The following TNPO3 variants were observed in gnomAD, a reference collection of about 807,000 sequenced individuals.
TNPO3 encodes the protein transportin 3.
TNPO3 carries 65 observed loss-of-function variants against 122.8 expected under a neutral mutation model. That is an observed-to-expected ratio of 0.53 (90% CI 0.43 to 0.65). The LOEUF (loss-of-function observed/expected upper bound fraction) is 0.65, where lower values mean the gene tolerates loss of function less well. TNPO3 is among the 30% of genes least tolerant of loss of function. TNPO3 has a pLI of 0.00. For missense variants in TNPO3, 850 were observed against 1,136.7 expected, an observed-to-expected ratio of 0.75 and a Z score of 3.63; for synonymous variants, 372 against 411.2, an observed-to-expected ratio of 0.90 and a Z score of 1.15.
At chr7:128,994,212 C>T (rs1448692202) in intron 8 of TNPO3, among the ~76,000 whole-genome samples, 2 of 152,042 alleles carry the variant, frequency 1.3e-5, no homozygotes, top group African/African-American at 2.4e-5. Context: ...GGCTGGAGTG[C>T]AGTGGTGCGA....
rs73463094 is a variant in TNPO3 at position 129,033,515 on chromosome 7, T to G, written c.121-15358A>C. ...GCATCACTGGTGGGAATGTAAATGG[T>G]GTAGCTACTATGGAAAAGGGGATGG... is the stretch of plus-strand genomic sequence containing the variant. On this transcript the variant is annotated intron_variant, in intron 1 of 22. Transcript: ENST00000265388. Among the ~76,000 whole-genome samples the G allele has an allele frequency of 1.0e-2, 1,519 of 152,258 alleles. 31 individuals are homozygous for G. The highest frequency in any genetic ancestry group is 0.035 in the African/African-American group (1,442 of 41,534).
intron 15 of TNPO3, 145 bp downstream of exon 15, chr7:128,979,826 C>T (rs1799450757): frequency 2.7e-6 from 2 of 731,798 alleles, no homozygotes; most frequent in South Asian, 3.3e-5. Flanking sequence ...TTGGATGGCT[C>T]TGTCCCTCAT....
chr7:128,978,604 A>G (rs1799317517), intron 16 of TNPO3, among the ~76,000 whole-genome samples: 1 of 152,196 alleles, frequency 6.6e-6, no homozygotes, highest in South Asian at 2.1e-4. Flanking sequence ...TAGTTTGTTA[A>G]TAAATACAAA....
chr7:129,010,463 T>C (rs1803063201), intron 4 of TNPO3, among the ~76,000 whole-genome samples: 1 of 152,158 alleles, frequency 6.6e-6, no homozygotes, highest in Non-Finnish European at 1.5e-5. Context: ...CCACATTGCC[T>C]GGCCCATAAT....
intron 21 of TNPO3, among the ~76,000 whole-genome samples, chr7:128,961,495 A>G (rs969900684): frequency 1.3e-5 from 2 of 152,188 alleles, no homozygotes; most frequent in African/African-American, 4.8e-5. Context: ...CACAACAACT[A>G]AACCACCTAA....
intron 21 of TNPO3, among the ~76,000 whole-genome samples, chr7:128,961,527 T>A (rs531705922): frequency 6.6e-6 from 1 of 152,308 alleles, no homozygotes; most frequent in South Asian, 2.1e-4. Context: ...TTGGAACATA[T>A]CCCCATCATT....
chr7:128,980,879 T>C (rs936109012), intron 14 of TNPO3, among the ~76,000 whole-genome samples: 2 of 152,252 alleles, frequency 1.3e-5, no homozygotes, highest in Non-Finnish European at 2.9e-5. Flanking sequence ...CCAAAGATGT[T>C]GTAGTTCTAG....
chr7:129,014,223 G>A (rs985233535), intron 4 of TNPO3, among the ~76,000 whole-genome samples: 14 of 152,160 alleles, frequency 9.2e-5, no homozygotes, highest in African/African-American at 2.9e-4. Flanking sequence ...TACATACTTG[G>A]ACAAAAATAA....
At chr7:128,966,545 T>C (rs2051335547) in intron 21 of TNPO3, among the ~76,000 whole-genome samples, 1 of 152,124 alleles carries the variant, frequency 6.6e-6, no homozygotes, top group Non-Finnish European at 1.5e-5. Context: ...AAATATTCAG[T>C]AGAAGGAAAA....
chr7:128,957,665 G>A (rs529679707), intron 21 of TNPO3, among the ~76,000 whole-genome samples: 4 of 152,188 alleles, frequency 2.6e-5, no homozygotes, highest in South Asian at 2.1e-4. Context: ...GATTAAAATC[G>A]TCCACATACA....
chr7:128,988,947 T>C (rs7796963), intron 11 of TNPO3, among the ~76,000 whole-genome samples: 87,915 of 151,772 alleles, frequency 0.58, 25,736 homozygotes, highest in South Asian at 0.62. Context: ...CATGGTGGCA[T>C]GCACTTGTAA....
intron 1 of TNPO3, among the ~76,000 whole-genome samples, chr7:129,036,943 C>G (rs1246515334): frequency 6.6e-6 from 1 of 151,948 alleles, no homozygotes; most frequent in African/African-American, 2.4e-5. Flanking sequence ...AAGACTGAAG[C>G]ACAAAGTCAA....
chr7:129,001,270 T>C, intron 5 of TNPO3, 36 bp from the exon 6 acceptor site: 1 of 1,580,274 alleles, frequency 6.3e-7, no homozygotes, highest in Non-Finnish European at 8.7e-7. Context: ...GCAAGAAGTA[T>C]GATCACTAAG....
intron 14 of TNPO3, 65 bp from the exon 15 acceptor site, chr7:128,980,096 G>A: frequency 7.2e-7 from 1 of 1,394,292 alleles, no homozygotes; most frequent in Non-Finnish European, 1.0e-6. Flanking sequence ...CCAGAGCCCT[G>A]ATCCCTGCTT....
At chr7:128,969,114 G>C (rs930995267) in intron 20 of TNPO3, among the ~76,000 whole-genome samples, 1 of 151,934 alleles carries the variant, frequency 6.6e-6, no homozygotes, top group Admixed American at 6.6e-5. Context: ...GTTGTTGTTC[G>C]CACTTAACAA....
At chr7:129,004,412 C>T (rs997021210) in intron 5 of TNPO3, among the ~76,000 whole-genome samples, 1 of 152,168 alleles carries the variant, frequency 6.6e-6, no homozygotes, top group East Asian at 1.9e-4. Flanking sequence ...ATTCTAATCA[C>T]TCCCTAACTC....
At chr7:128,997,281 A>G (rs1205329317) in intron 8 of TNPO3, 108 bp downstream of exon 8, 1 of 1,262,136 alleles carries the variant, frequency 7.9e-7, no homozygotes, top group Non-Finnish European at 1.1e-6. Flanking sequence ...TACAGGCATG[A>G]GCCAGGGTGC....
At chr7:129,026,670 C>T (rs1805217452) in intron 1 of TNPO3, among the ~76,000 whole-genome samples, 1 of 152,168 alleles carries the variant, frequency 6.6e-6, no homozygotes, top group Non-Finnish European at 1.5e-5. Context: ...TCCCAAAGTG[C>T]TGGGATTACA....
chr7:129,007,238 T>C (rs772890808), intron 4 of TNPO3, among the ~76,000 whole-genome samples: 1 of 152,150 alleles, frequency 6.6e-6, no homozygotes, highest in Non-Finnish European at 1.5e-5. Context: ...ATGGCACAGG[T>C]AGGAAACAGC....
Sources: allele counts gnomAD v4.1 joint callset (sites outside exome capture counted in the v4.1 genomes callset), GRCh38; gene constraint gnomAD v4.1.1; transcripts MANE v1.5; gene names NCBI Gene and HGNC (gene_info 2026-07-23, HGNC 2026-07-21).